The following PTBP3 variants were observed in gnomAD, a reference collection of about 807,000 sequenced individuals.
PTBP3 encodes polypyrimidine tract binding protein 3.
Under a neutral mutation model 58.7 loss-of-function variants are expected in PTBP3, and 20 were observed. The ratio of observed to expected loss-of-function variants is 0.34; its 90% CI spans 0.24 to 0.50. PTBP3 has a LOEUF of 0.50. PTBP3 is among the 20% of genes least tolerant of loss of function. PTBP3 has a pLI of 0.98. For missense variants in PTBP3, 509 were observed against 637.2 expected, an observed-to-expected ratio of 0.80 and a Z score of 2.17; for synonymous variants, 185 against 219.8, an observed-to-expected ratio of 0.84 and a Z score of 1.40.
At chr9:112,305,120 T>C (rs992122994) in intron 1 of PTBP3, among the ~76,000 whole-genome samples, 2 of 152,220 alleles carry the variant, frequency 1.3e-5, no homozygotes, top group African/African-American at 4.8e-5. Flanking sequence ...ACTGTTAAAA[T>C]TAGCAAATGA....
the PTBP3 span, among the ~76,000 whole-genome samples, chr9:112,346,074 C>T: frequency 6.6e-6 from 1 of 152,006 alleles, no homozygotes; most frequent in Admixed American, 6.6e-5. Context: ...GAACTCCTGA[C>T]CTCAGGTAAT....
chr9:112,248,845 A>C (rs1835989176), intron 7 of PTBP3, among the ~76,000 whole-genome samples: 1 of 152,196 alleles, frequency 6.6e-6, no homozygotes, highest in South Asian at 2.1e-4. Context: ...AAACTAAAAC[A>C]ACCAAACTAT....
At chr9:112,226,096 T>G (rs1477326442) in intron 12 of PTBP3, among the ~76,000 whole-genome samples, 3 of 151,914 alleles carry the variant, frequency 2.0e-5, no homozygotes, top group Admixed American at 1.3e-4. Context: ...GACAGGTGCC[T>G]GCCTCAGTAT....
At chr9:112,302,492 T>G (rs2132336293) in intron 1 of PTBP3, among the ~76,000 whole-genome samples, 1 of 151,872 alleles carries the variant, frequency 6.6e-6, no homozygotes, top group Non-Finnish European at 1.5e-5. Context: ...CACTTGAGAT[T>G]ACCAGAAAGG....
At chr9:112,279,240 A>G (rs2132222410) in intron 2 of PTBP3, among the ~76,000 whole-genome samples, 1 of 152,330 alleles carries the variant, frequency 6.6e-6, no homozygotes, top group South Asian at 2.1e-4. Flanking sequence ...TTTCTGTACA[A>G]AAGGACAGTT....
chr9:112,336,230 C>T (rs1344372368), upstream of PTBP3, among the ~76,000 whole-genome samples: 1 of 152,202 alleles, frequency 6.6e-6, no homozygotes, highest in East Asian at 1.9e-4. Context: ...TACGTTGTTT[C>T]CAAGTATTCA....
At chr9:112,324,661 TAAAAAAAAACAAC>T (rs1564464976) in intron 1 of PTBP3, among the ~76,000 whole-genome samples, 5 of 129,420 alleles carry the variant, frequency 3.9e-5, no homozygotes, top group Non-Finnish European at 3.4e-5. Context: ...TTTTTTTTTT[TAAAAAAAAACAAC>T]TTTAAAAGAA....
chr9:112,231,957 GAGAAGAGAAGAGAGAAGAGA>G lies in PTBP3; in HGVS notation c.1020+122_1020+141del, dbSNP rs1452374583. The G allele has an allele frequency of 1.2e-3, 446 of 378,408 alleles. 1 individual carries two copies. Among genetic ancestry groups the G allele is most frequent in the Admixed American group, 3.3e-3 (50 of 15,144 alleles). The allele number at this position is 378,408 out of a possible 1,614,324, so 23.4% of individuals were successfully genotyped here. On this transcript the variant is annotated intron_variant, in intron 9 of 13. Coordinates refer to ENST00000374257, the MANE Select transcript of PTBP3 (RefSeq NM_001163788.4). ...GAGAAGAGAAGAGAAGAGAAGAGAAGAGAAGAGAAGAGAGAAGAGAAGAGAAGAGAAGAGAAGAGAAGAGA... is the reference window on the plus strand; with the variant it reads ...GAGAAGAGAAGAGAAGAGAAGAGAAGAGAGAAGAGAAGAGAAGAGAAGAGA...
rs1424645297 is a variant in PTBP3, at chr9:112,233,791, C to T, written c.880+1029G>A. On this transcript the variant is annotated intron_variant, in intron 8 of 13. Transcript: ENST00000374257. ...ACTAAAAATACAAAAATTAGCTGGGCGTGGTGACATGCACTTCTAGTCCCA... is the reference window on the plus strand; with the variant it reads ...ACTAAAAATACAAAAATTAGCTGGGTGTGGTGACATGCACTTCTAGTCCCA... Among the ~76,000 whole-genome samples the T allele has an allele frequency of 5.9e-5, 9 of 152,002 alleles. 1 individual carries two copies. The highest frequency in any genetic ancestry group is 1.5e-5 in the Non-Finnish European group (1 of 67,998).
chr9:112,290,685 A>AG (rs1211742650), intron 2 of PTBP3, among the ~76,000 whole-genome samples: 2 of 38,436 alleles, frequency 5.2e-5, no homozygotes, highest in East Asian at 1.1e-3. Flanking sequence ...AAAAAAAAAA[A>AG]AAATATATAT....
intron 2 of PTBP3, among the ~76,000 whole-genome samples, chr9:112,277,576 G>A (rs1213923140): frequency 1.3e-5 from 2 of 151,992 alleles, no homozygotes; most frequent in East Asian, 3.9e-4. Flanking sequence ...AGTGTATCAG[G>A]CCCGGCACAG....
In PTBP3 at chr9:112,281,008, A is replaced by G. The variant is rs190994034; in HGVS notation, c.35-4995T>C. On this transcript the variant is annotated intron_variant, in intron 2 of 13. Coordinates refer to ENST00000374257, the MANE Select transcript of PTBP3 (RefSeq NM_001163788.4). Reference sequence around the variant, plus strand: ...CTATATACTTTCCAAGAATGTCTAAATAAGAAAAAATCCTTGTTGCTGGGC... The same window carrying G: ...CTATATACTTTCCAAGAATGTCTAAGTAAGAAAAAATCCTTGTTGCTGGGC... The G allele has an allele frequency of 3.2e-4, 49 of 152,258 alleles. No individual in the cohort carries two copies. The East Asian group carries it at 9.3e-3, about 29-fold the overall frequency. The allele number at this position is 152,258 out of a possible 1,614,324, so 9.4% of individuals were successfully genotyped here.
chr9:112,236,625 CTA>C (rs1835448902), intron 7 of PTBP3, among the ~76,000 whole-genome samples: 1 of 152,162 alleles, frequency 6.6e-6, no homozygotes, highest in Non-Finnish European at 1.5e-5. Flanking sequence ...TTGCCCCCTT[CTA>C]TATAACTGGC....
At chr9:112,324,868 G>A (rs1185240612) in intron 1 of PTBP3, among the ~76,000 whole-genome samples, 1 of 152,032 alleles carries the variant, frequency 6.6e-6, no homozygotes, top group South Asian at 2.1e-4. Flanking sequence ...TGACACATGA[G>A]GCAAATGAAC....
intron 7 of PTBP3, among the ~76,000 whole-genome samples, chr9:112,245,507 C>T (rs1439803186): frequency 6.6e-6 from 1 of 151,366 alleles, no homozygotes; most frequent in Non-Finnish European, 1.5e-5. Flanking sequence ...TTTTTTAAAA[C>T]ACACACACAC....
In PTBP3 at chr9:112,252,737, T is replaced by G. The variant is rs1836180951; in HGVS notation, c.568A>C (p.Asn190His). 2 of 1,612,652 alleles carry G rather than the reference T, an allele frequency of 1.2e-6. No individual in the cohort carries two copies. Among genetic ancestry groups the G allele is most frequent in the Middle Eastern group, 1.7e-4 (1 of 6,056 alleles). ...VLKIITFTKNNQFQALLQYAD... is the reference protein window; with the variant it reads ...VLKIITFTKNHQFQALLQYAD... ...TACTGAAGCAAGGCTTGAAACTGAT[T>G]ATTCTTTGTAAAGGTGATAATCTTC... The change falls in exon 6 of 14, where the codon AAT becomes CAT. Residue 190 changes from asparagine (N) to histidine (H), a missense_variant. Physicochemically the swap from Asn to His is moderately conservative, Grantham distance 68. Around this residue, in one of 4 missense-constraint regions of PTBP3, gnomAD observed 41 missense variants for 78.0 expected, o/e 0.53. Coordinates refer to ENST00000374257, the MANE Select transcript of PTBP3 (RefSeq NM_001163788.4).
intron 12 of PTBP3, among the ~76,000 whole-genome samples, chr9:112,226,551 C>A (rs2131951808): frequency 6.6e-6 from 1 of 152,308 alleles, no homozygotes; most frequent in Middle Eastern, 3.4e-3. Flanking sequence ...ATGAACAAAA[C>A]TGCCATTTTT....
chr9:112,353,355 A>G, the PTBP3 span, among the ~76,000 whole-genome samples: 1 of 151,636 alleles, frequency 6.6e-6, no homozygotes, highest in Admixed American at 6.6e-5. Flanking sequence ...TGAAGGTGAA[A>G]GAGACAGCTG....
chr9:112,379,377 A>G, the PTBP3 span, among the ~76,000 whole-genome samples: 2 of 152,262 alleles, frequency 1.3e-5, no homozygotes, highest in East Asian at 3.8e-4. Flanking sequence ...AGTCCAAGGC[A>G]TAATCCCAAA....
Sources: gnomAD v4.1 joint callset for allele counts (sites outside exome capture counted in the v4.1 genomes callset) on GRCh38, gnomAD v4.1.1 for gene constraint, gnomAD v4.1.1 regional missense constraint, MANE v1.5 for transcripts, NCBI Gene and HGNC (gene_info 2026-07-23, HGNC 2026-07-21) for gene names.